CORIN: variants seen among roughly 807,000 people sequenced by gnomAD.
The protein encoded by CORIN is atrial natriuretic peptide-converting enzyme.
CORIN carries 117 observed loss-of-function variants against 125.3 expected under a neutral mutation model. The observed-to-expected ratio is 0.93, with a 90% CI of 0.80 to 1.09. The LOEUF is 1.09. Ranked by LOEUF, CORIN falls within the 50% of genes least tolerant of loss-of-function variation. The probability of loss-of-function intolerance (pLI) is 0.00; values close to 1 mark genes in which losing one functional copy is unlikely to be tolerated. For missense variants in CORIN, 1,253 were observed against 1,306.7 expected (o/e 0.96, Z 0.63); for synonymous variants, 450 against 466.4 (o/e 0.96, Z 0.45).
intron 3 of CORIN, among the ~76,000 whole-genome samples, chr4:47,772,239 T>C (rs1730077419): frequency 6.6e-6 from 1 of 152,246 alleles, no homozygotes; most frequent in African/African-American, 2.4e-5. Context: ...AACTACTTAC[T>C]GTGACAATGC....
At chr4:47,694,707 AG>A (rs536084572) in intron 5 of CORIN, among the ~76,000 whole-genome samples, 3 of 152,324 alleles carry the variant, frequency 2.0e-5, no homozygotes, top group African/African-American at 7.2e-5. Flanking sequence ...GACCCAGCGG[AG>A]TGCCTGGCAC....
chr4:47,756,207 T>G (rs187328475), intron 4 of CORIN, among the ~76,000 whole-genome samples: 2 of 152,068 alleles, frequency 1.3e-5, no homozygotes, highest in African/African-American at 4.8e-5. Context: ...AAAAGGAACA[T>G]TATACACAAA....
At chr4:47,721,619 C>T (rs1253801732) in intron 5 of CORIN, among the ~76,000 whole-genome samples, 1 of 152,138 alleles carries the variant, frequency 6.6e-6, no homozygotes, top group Non-Finnish European at 1.5e-5. Flanking sequence ...CCTTCTAATA[C>T]CATCCTCTTG....
intron 1 of CORIN, among the ~76,000 whole-genome samples, chr4:47,834,276 C>A (rs1050874521): frequency 6.6e-6 from 1 of 152,046 alleles, no homozygotes; most frequent in Non-Finnish European, 1.5e-5. Context: ...TCAGCCTTAA[C>A]AAAGAAACAA....
intron 5 of CORIN, among the ~76,000 whole-genome samples, chr4:47,723,777 A>G (rs886497389): frequency 6.6e-6 from 1 of 151,970 alleles, no homozygotes; most frequent in African/African-American, 2.4e-5. Context: ...GGTCAGGATC[A>G]CAAGGTCAGG....
intron 5 of CORIN, among the ~76,000 whole-genome samples, chr4:47,738,080 A>G (rs1410572149): frequency 6.6e-6 from 1 of 152,228 alleles, no homozygotes; most frequent in Non-Finnish European, 1.5e-5. Context: ...CTAACCAGAA[A>G]AATTAAAAGA....
intron 5 of CORIN, among the ~76,000 whole-genome samples, chr4:47,709,425 T>C (rs1386417411): frequency 6.6e-6 from 1 of 152,092 alleles, no homozygotes; most frequent in Non-Finnish European, 1.5e-5. Flanking sequence ...CCCAAGTAGC[T>C]GGGACGACAG....
chr4:47,624,629 G>T (rs541245948), intron 17 of CORIN, among the ~76,000 whole-genome samples: 41 of 152,198 alleles, frequency 2.7e-4, no homozygotes, highest in Non-Finnish European at 4.4e-4. Context: ...AGAATTGTGG[G>T]TTCAGGAAAA....
chr4:47,624,767 C>A (rs533059812), intron 17 of CORIN, among the ~76,000 whole-genome samples: 2 of 152,064 alleles, frequency 1.3e-5, no homozygotes, highest in African/African-American at 4.8e-5. Flanking sequence ...TCTCTTCCAA[C>A]CATGAAACAT....
chr4:47,806,510 T>C (rs910022202), intron 2 of CORIN, among the ~76,000 whole-genome samples: 2 of 152,222 alleles, frequency 1.3e-5, no homozygotes, highest in Non-Finnish European at 2.9e-5. Context: ...TCCATGATGC[T>C]TTCTTTGAAT....
At chr4:47,834,735 T>C (rs889344141) in intron 1 of CORIN, among the ~76,000 whole-genome samples, 4 of 152,320 alleles carry the variant, frequency 2.6e-5, no homozygotes, top group Non-Finnish European at 4.4e-5. Context: ...ACCTATCACA[T>C]TGTTTACATT....
intron 1 of CORIN, among the ~76,000 whole-genome samples, chr4:47,827,974 A>G (rs138193400): frequency 2.0e-5 from 3 of 152,314 alleles, no homozygotes; most frequent in African/African-American, 7.2e-5. Context: ...GAGCTATGGT[A>G]GTTTAAACTG....
intron 5 of CORIN, among the ~76,000 whole-genome samples, chr4:47,725,369 G>A (rs1011513681): frequency 2.0e-5 from 3 of 152,028 alleles, no homozygotes; most frequent in Admixed American, 6.5e-5. Flanking sequence ...TCTTTGTTAA[G>A]TCTTAATATC....
intron 1 of CORIN, among the ~76,000 whole-genome samples, chr4:47,821,087 T>C (rs541175501): frequency 1.4e-4 from 22 of 151,972 alleles, no homozygotes; most frequent in African/African-American, 4.8e-4. Context: ...ATACAAAAAT[T>C]AGCCAGATGT....
chr4:47,706,078 T>G (rs1260030617), intron 5 of CORIN, among the ~76,000 whole-genome samples: 1 of 152,250 alleles, frequency 6.6e-6, no homozygotes, highest in Non-Finnish European at 1.5e-5. Context: ...CAGCCAGTTT[T>G]GTTTCAAATG....
At chr4:47,765,128 G>C (rs554309381) in intron 3 of CORIN, among the ~76,000 whole-genome samples, 2 of 152,012 alleles carry the variant, frequency 1.3e-5, no homozygotes, top group African/African-American at 2.4e-5. Flanking sequence ...TGGTTAACAC[G>C]GTGAAACCCC....
At chr4:47,694,555 A>G (rs1013202731) in intron 5 of CORIN, among the ~76,000 whole-genome samples, 3 of 152,056 alleles carry the variant, frequency 2.0e-5, no homozygotes, top group African/African-American at 7.2e-5. Flanking sequence ...GTATTCCTTG[A>G]TAAGATGAAC....
At position 47,615,622 on chromosome 4, in the gene CORIN, G is replaced by A. The variant is rs114115860; in HGVS notation, c.2540+7949C>T. Among the ~76,000 whole-genome samples, 680 of 152,288 alleles carry A rather than the reference G, an allele frequency of 4.5e-3. 5 individuals are homozygous for A. The highest frequency in any genetic ancestry group is 0.016 in the African/African-American group (649 of 41,548). On this transcript the variant is annotated intron_variant, in intron 19 of 21. Coordinates refer to ENST00000273857, the MANE Select transcript of CORIN (RefSeq NM_006587.4). ...AGAACACTGTCTGAAGAGGAAGGCA[G>A]ACATTAGGGTCCTGCTTCTACAGGC...
chr4:47,743,548 T>C (rs916739449), intron 5 of CORIN, among the ~76,000 whole-genome samples: 3 of 152,208 alleles, frequency 2.0e-5, no homozygotes, highest in African/African-American at 7.2e-5. Context: ...ACAACCACTT[T>C]AGAAAACTTT....
Sources: gnomAD v4.1 joint callset for allele counts (sites outside exome capture counted in the v4.1 genomes callset) on GRCh38, gnomAD v4.1.1 for gene constraint, MANE v1.5 for transcripts, NCBI Gene and HGNC (gene_info 2026-07-23, HGNC 2026-07-21) for gene names.